CENPP: variants seen among roughly 807,000 people sequenced by gnomAD.
The protein encoded by CENPP is centromere protein P.
A neutral mutation model predicts 35.6 loss-of-function variants in CENPP; 24 were observed. The observed-to-expected ratio is 0.67, with a 90% CI of 0.49 to 0.95. The LOEUF (loss-of-function observed/expected upper bound fraction) is 0.95. CENPP is among the 40% of genes least tolerant of loss of function. CENPP has a pLI of 0.00. For synonymous variants in CENPP, 120 were observed against 125.5 expected (o/e 0.96, Z 0.29); for missense variants, 332 against 345.3 (o/e 0.96, Z 0.31).
In CENPP at chr9:92,551,951, A is replaced by G. The variant is rs1355494174; in HGVS notation, c.565-59363A>G. ...TATATATATATATATATATATATAT[A>G]TGATATATATATGTGTGATATATAT... On this transcript the variant is annotated intron_variant, in intron 5 of 7. Coordinates refer to ENST00000375587, the MANE Select transcript of CENPP (RefSeq NM_001012267.3). Among the ~76,000 whole-genome samples the G allele has an allele frequency of 2.6e-5, 3 of 117,424 alleles. 1 individual carries two copies. The highest frequency in any genetic ancestry group is 5.0e-5 in the Non-Finnish European group (3 of 59,426). 77.0% of individuals were successfully genotyped at this position (117,424 alleles called of 152,430 possible). A position where few individuals can be genotyped will look rare whatever the true frequency, so the allele number is the denominator to read the frequency against.
chr9:92,420,246 A>G (rs1050706489), intron 5 of CENPP, among the ~76,000 whole-genome samples: 3 of 152,162 alleles, frequency 2.0e-5, no homozygotes, highest in African/African-American at 4.8e-5. Flanking sequence ...AACCTCAGCT[A>G]TATTGATTCT....
chr9:92,465,208 A>G (rs1845260116), intron 5 of CENPP, among the ~76,000 whole-genome samples: 1 of 152,250 alleles, frequency 6.6e-6, no homozygotes, highest in African/African-American at 2.4e-5. Context: ...TCAGCATCAG[A>G]AAAATACGGC....
chr9:92,598,922 A>T lies in CENPP; in HGVS notation c.565-12392A>T, dbSNP rs570939378. ...CAGGAGTTCGAGATCAGCCTGGCCA[A>T]AATAGTGAAACCCCATCTCTACTAA... On this transcript the variant is annotated intron_variant, in intron 5 of 7. Coordinates refer to ENST00000375587, the MANE Select transcript of CENPP (RefSeq NM_001012267.3). Among the ~76,000 whole-genome samples the T allele has an allele frequency of 1.2e-4, 18 of 152,066 alleles. No homozygotes were observed. The South Asian group carries it at 3.5e-3, about 30-fold the overall frequency.
At position 92,557,976 on chromosome 9, in the gene CENPP, T is replaced by G. The variant is rs1011989592; in HGVS notation, c.565-53338T>G. Among the ~76,000 whole-genome samples the G allele has an allele frequency of 5.3e-5, 8 of 152,272 alleles. No homozygotes were observed. The East Asian group carries it at 1.2e-3, about 22-fold the overall frequency. The stretch of plus-strand genomic sequence containing the variant: ...GCATTTCTAAAAGTGTGTCCAAAGT[T>G]TCCTGAGTTTTTTATTGTTTTTTTC... On this transcript the variant is annotated intron_variant, in intron 5 of 7. Transcript: ENST00000375587.
intron 5 of CENPP, among the ~76,000 whole-genome samples, chr9:92,453,368 A>C (rs965422920): frequency 5.3e-5 from 8 of 152,212 alleles, no homozygotes; most frequent in Non-Finnish European, 7.3e-5. Context: ...CCCATTAGTC[A>C]TTCAGGAGCA....
intron 4 of CENPP, among the ~76,000 whole-genome samples, chr9:92,379,423 C>T (rs1398370957): frequency 6.6e-6 from 1 of 152,220 alleles, no homozygotes; most frequent in Non-Finnish European, 1.5e-5. Context: ...GGTTTTAAAG[C>T]GCTGTGCCAG....
chr9:92,572,879 A>C (rs1172825507), intron 5 of CENPP, among the ~76,000 whole-genome samples: 4 of 152,168 alleles, frequency 2.6e-5, no homozygotes, highest in African/African-American at 9.7e-5. Context: ...CACTTGATCA[A>C]ATCGGCTACT....
In CENPP at chr9:92,443,652, T is replaced by G. The variant is rs186452652; in HGVS notation, c.564+63793T>G. On this transcript the variant is annotated intron_variant, in intron 5 of 7. Coordinates refer to ENST00000375587, the MANE Select transcript of CENPP (RefSeq NM_001012267.3). ...AAACAACAAAGAGGACTTAGTATGT[T>G]ACAAAGTTTTTTTTTTTTGTTTTTT... Among the ~76,000 whole-genome samples, 19 of 133,182 alleles carry G rather than the reference T, an allele frequency of 1.4e-4. No homozygotes were observed. The East Asian group carries it at 3.7e-3, about 26-fold the overall frequency. 87.4% of individuals were successfully genotyped at this position (133,182 alleles called of 152,430 possible).
intron 5 of CENPP, among the ~76,000 whole-genome samples, chr9:92,579,948 T>C (rs1200799035): frequency 1.3e-5 from 2 of 148,796 alleles, no homozygotes; most frequent in Non-Finnish European, 1.5e-5. Flanking sequence ...TTGTCATAGA[T>C]AGCTCTTATT....
At chr9:92,364,008 C>G (rs1263229331) in intron 4 of CENPP, among the ~76,000 whole-genome samples, 1 of 151,752 alleles carries the variant, frequency 6.6e-6, no homozygotes, top group African/African-American at 2.4e-5. Flanking sequence ...ACCACCATGC[C>G]CAGCTAATTT....
At chr9:92,496,896 A>T (rs1846375805) in intron 5 of CENPP, among the ~76,000 whole-genome samples, 1 of 152,180 alleles carries the variant, frequency 6.6e-6, no homozygotes, top group Admixed American at 6.5e-5. Flanking sequence ...GAGAAATGTA[A>T]ATTGAAACTT....
chr9:92,383,747 C>G (rs1842324618), intron 5 of CENPP, among the ~76,000 whole-genome samples: 1 of 151,982 alleles, frequency 6.6e-6, no homozygotes, highest in South Asian at 2.1e-4. Flanking sequence ...GGAATTCATA[C>G]CTTTTACCAA....
intron 5 of CENPP, among the ~76,000 whole-genome samples, chr9:92,549,412 C>T (rs1849538326): frequency 6.6e-6 from 1 of 152,052 alleles, no homozygotes; most frequent in African/African-American, 2.4e-5. Context: ...TTTGGGAGGC[C>T]GAGACGGGTG....
chr9:92,543,638 G>T (rs975380896), intron 5 of CENPP, among the ~76,000 whole-genome samples: 1 of 151,992 alleles, frequency 6.6e-6, no homozygotes, highest in East Asian at 1.9e-4. Flanking sequence ...AACACTTTGG[G>T]TAGTATAGTC....
intron 5 of CENPP, among the ~76,000 whole-genome samples, chr9:92,568,774 A>G (rs1850060646): frequency 6.6e-6 from 1 of 152,158 alleles, no homozygotes; most frequent in Non-Finnish European, 1.5e-5. Flanking sequence ...AATGATTGCC[A>G]TTCTAACTGG....
At chr9:92,582,495 G>A (rs1157002563) in intron 5 of CENPP, among the ~76,000 whole-genome samples, 1 of 152,114 alleles carries the variant, frequency 6.6e-6, no homozygotes, top group Non-Finnish European at 1.5e-5. Context: ...AAGATAACAA[G>A]TGTAAAACTG....
At chr9:92,551,959 T>TAC (rs1849607390) in intron 5 of CENPP, among the ~76,000 whole-genome samples, 1 of 115,038 alleles carries the variant, frequency 8.7e-6, no homozygotes, top group African/African-American at 4.9e-5. Context: ...ATATGATATA[T>TAC]ATATGTGTGA....
At position 92,619,419 on chromosome 9, in the gene CENPP, A is replaced by C. The variant is rs1851551780; in HGVS notation, c.*6270A>C. On this transcript the variant is annotated 3_prime_UTR_variant, in exon 8 of 8. Coordinates refer to ENST00000375587, the MANE Select transcript of CENPP (RefSeq NM_001012267.3). ...TATGGGGAAACCAACTATCCTATTA[A>C]CAATTCACCAACTGTCCATAAAACC... The C allele has an allele frequency of 3.9e-6, 5 of 1,277,738 alleles. No individual in the cohort carries two copies. In the African/African-American group the frequency reaches 5.9e-5, roughly 15 times the overall value. 79.2% of individuals were successfully genotyped at this position (1,277,738 alleles called of 1,614,324 possible).
intron 5 of CENPP, among the ~76,000 whole-genome samples, chr9:92,571,653 T>A: frequency 6.6e-6 from 1 of 152,180 alleles, no homozygotes; most frequent in East Asian, 1.9e-4. Context: ...TTCTGTCTGA[T>A]TGATCTGTCT....
Sources: allele counts gnomAD v4.1 joint callset (sites outside exome capture counted in the v4.1 genomes callset), GRCh38; gene constraint gnomAD v4.1.1; transcripts MANE v1.5; gene names NCBI Gene and HGNC (gene_info 2026-07-23, HGNC 2026-07-21).